Variants in KAZN observed in about 807,000 individuals in gnomAD.
KAZN encodes the protein kazrin, periplakin interacting protein.
In KAZN, 40 loss-of-function variants were observed where a neutral mutation model predicts 87.4. The ratio of observed to expected loss-of-function variants is 0.46; its 90% confidence interval spans 0.36 to 0.60. The LOEUF (loss-of-function observed/expected upper bound fraction) is 0.60. Ranked by LOEUF, KAZN falls within the 20% of genes least tolerant of loss-of-function variation. KAZN has a pLI of 0.00. For missense variants in KAZN, 898 were observed against 1,073.9 expected (o/e 0.84, Z 2.29); for synonymous variants, 466 against 458.3 (o/e 1.02, Z -0.22).
intron 2 of KAZN, among the ~76,000 whole-genome samples, chr1:14,182,400 T>C (rs985755132): frequency 6.6e-6 from 1 of 152,212 alleles, no homozygotes; most frequent in Non-Finnish European, 1.5e-5. Context: ...CTTGCTTCTG[T>C]CTTTTAAACT....
At position 14,769,937 on chromosome 1, in the gene KAZN, C is replaced by T. The variant is rs147866616; in HGVS notation, c.226+170714C>T. On this transcript the variant is annotated intron_variant, in intron 1 of 14. Coordinates refer to ENST00000376030, the MANE Select transcript of KAZN (RefSeq NM_201628.3). This position sits in a 1 kb window ranked among gnomAD's most constrained non-coding sequence, Gnocchi z 4.1. Reference sequence around the variant, plus strand: ...CTCAGCTCAGAGATCAGGGATGGCCCCTCTGAGCAGGTGATGGGTAAACTG... The same window carrying T: ...CTCAGCTCAGAGATCAGGGATGGCCTCTCTGAGCAGGTGATGGGTAAACTG... Among the ~76,000 whole-genome samples the T allele has an allele frequency of 2.6e-5, 4 of 152,234 alleles. No individual in the cohort carries two copies. The East Asian group carries it at 5.8e-4, about 22-fold the overall frequency.
intron 2 of KAZN, among the ~76,000 whole-genome samples, chr1:14,377,528 C>T (rs1661013537): frequency 6.6e-6 from 1 of 152,212 alleles, no homozygotes; most frequent in Admixed American, 6.5e-5. Context: ...CTCGACTCCT[C>T]ATACTCTATT....
intron 1 of KAZN, among the ~76,000 whole-genome samples, chr1:13,953,923 A>C (rs1329800380): frequency 6.6e-6 from 1 of 152,194 alleles, no homozygotes; most frequent in Non-Finnish European, 1.5e-5. Context: ...CCTTAATTCT[A>C]AAATCACTAA....
At chr1:14,234,548 T>TATAATAATA (rs532271975) in intron 2 of KAZN, among the ~76,000 whole-genome samples, 1 of 151,806 alleles carries the variant, frequency 6.6e-6, no homozygotes, top group African/African-American at 2.4e-5. Context: ...GAACTTAAAG[T>TATAATAATA]ATAATAATAA....
intron 1 of KAZN, among the ~76,000 whole-genome samples, chr1:13,983,577 G>T (rs1638859709): frequency 6.6e-6 from 1 of 152,174 alleles, no homozygotes; most frequent in East Asian, 1.9e-4. Flanking sequence ...GAGGGAGTGG[G>T]CTCTGGCCTT....
At chr1:14,384,021 G>A (rs1358665284) in intron 2 of KAZN, among the ~76,000 whole-genome samples, 1 of 151,998 alleles carries the variant, frequency 6.6e-6, no homozygotes, top group Non-Finnish European at 1.5e-5. Context: ...TGCTTGAAGA[G>A]GTCCTTCACA....
At chr1:14,580,993 T>G (rs1410030678) in intron 2 of KAZN, among the ~76,000 whole-genome samples, 1 of 152,140 alleles carries the variant, frequency 6.6e-6, no homozygotes, top group South Asian at 2.1e-4. Context: ...CCTTGACCTC[T>G]AAATATTGGG....
chr1:14,541,203 C>T (rs573053570), intron 2 of KAZN, among the ~76,000 whole-genome samples: 16 of 152,342 alleles, frequency 1.1e-4, no homozygotes, highest in Admixed American at 3.9e-4. Context: ...ATTTATCCTA[C>T]GCTTCAACTT....
intron 1 of KAZN, among the ~76,000 whole-genome samples, chr1:14,791,236 A>G (rs1446226976): frequency 6.6e-6 from 1 of 152,040 alleles, no homozygotes; most frequent in Non-Finnish European, 1.5e-5. Context: ...AGATTTCATC[A>G]CCCGGGAGGC....
intron 1 of KAZN, among the ~76,000 whole-genome samples, chr1:14,061,758 A>G (rs1642803255): frequency 6.6e-6 from 1 of 152,192 alleles, no homozygotes; most frequent in African/African-American, 2.4e-5. Flanking sequence ...TTGTCTAAAG[A>G]ATGAGTAGAT....
At chr1:14,687,519 G>A (rs561440250) in intron 1 of KAZN, among the ~76,000 whole-genome samples, 13 of 152,186 alleles carry the variant, frequency 8.5e-5, no homozygotes, top group Admixed American at 4.6e-4. Context: ...GGGGAAAAGC[G>A]TGTGTGCTCT....
intron 1 of KAZN, among the ~76,000 whole-genome samples, chr1:14,062,533 T>C (rs1227003075): frequency 6.6e-6 from 1 of 152,150 alleles, no homozygotes; most frequent in Admixed American, 6.5e-5. Context: ...AAAGGCTGTA[T>C]TGGGTAATTG....
intron 2 of KAZN, among the ~76,000 whole-genome samples, chr1:14,553,177 C>A (rs967828183): frequency 6.6e-6 from 1 of 152,120 alleles, no homozygotes; most frequent in African/African-American, 2.4e-5. Context: ...GAATTCGAGA[C>A]CAGCCTGGCC....
intron 1 of KAZN, among the ~76,000 whole-genome samples, chr1:13,960,550 A>G (rs1192149910): frequency 1.3e-5 from 2 of 152,166 alleles, no homozygotes; most frequent in Non-Finnish European, 2.9e-5. Context: ...CCATCTTGGA[A>G]CGCTACGTGC....
chr1:14,660,791 CGT>C lies in KAZN; in HGVS notation c.226+61570_226+61571del, dbSNP rs554514689. ...AGGCGGCTGTGATTGCTGCTGAAAT[CGT>C]GGCCAATGACGAACAGAAAGTGGCT... On this transcript the variant is annotated intron_variant, in intron 1 of 14. Coordinates refer to ENST00000376030, the MANE Select transcript of KAZN (RefSeq NM_201628.3). 4.7e-3 allele frequency among the ~76,000 whole-genome samples: 712 copies of C among 152,266 alleles called. 6 individuals are homozygous for C. Among genetic ancestry groups the C allele is most frequent in the African/African-American group, 0.016 (649 of 41,556 alleles).
chr1:14,999,081 G>T (rs1317298267), intron 2 of KAZN, among the ~76,000 whole-genome samples: 4 of 152,176 alleles, frequency 2.6e-5, no homozygotes, highest in African/African-American at 7.2e-5. Context: ...AGCTACTTAG[G>T]AGGCCGAGGC....
intron 2 of KAZN, among the ~76,000 whole-genome samples, chr1:14,396,168 CAAA>C (rs764796102): frequency 8.3e-6 from 1 of 120,958 alleles, no homozygotes; most frequent in Non-Finnish European, 1.7e-5. Context: ...GACTCCGTCT[CAAA>C]AAAAAAAAAA....
chr1:14,131,928 C>T (rs1645000852), intron 1 of KAZN, among the ~76,000 whole-genome samples: 1 of 152,124 alleles, frequency 6.6e-6, no homozygotes, highest in Non-Finnish European at 1.5e-5. Flanking sequence ...TTTGTTCTCT[C>T]ACTGGCCCAA....
chr1:14,068,207 T>A (rs12406366), intron 1 of KAZN, among the ~76,000 whole-genome samples: 4 of 152,110 alleles, frequency 2.6e-5, no homozygotes, highest in African/African-American at 9.7e-5. Flanking sequence ...ACTTCTGATC[T>A]ACCAACCACC....
Sources: allele counts gnomAD v4.1 joint callset (sites outside exome capture counted in the v4.1 genomes callset), GRCh38; gene constraint gnomAD v4.1.1; non-coding constraint Gnocchi (gnomAD v3.1); transcripts MANE v1.5; gene names NCBI Gene and HGNC (gene_info 2026-07-23, HGNC 2026-07-21).